Variants in PTS observed in about 807,000 individuals in gnomAD.
The protein encoded by PTS is 6-pyruvoyltetrahydropterin synthase, also known as 6-pyruvoyl tetrahydrobiopterin synthase.
In PTS, 23 loss-of-function variants were observed where a neutral mutation model predicts 20.6. The ratio of observed to expected loss-of-function variants is 1.12; its 90% CI spans 0.80 to 1.58. PTS has a LOEUF of 1.58. Ranked by LOEUF, PTS falls within the 40% of genes most tolerant of loss-of-function variation. The probability of loss-of-function intolerance (pLI) is 0.00; values close to 1 mark genes in which losing one functional copy is unlikely to be tolerated. For synonymous variants in PTS, 65 were observed against 62.5 expected, an observed-to-expected ratio of 1.04 and a Z score of -0.19; for missense variants, 186 against 182.4, an observed-to-expected ratio of 1.02 and a Z score of -0.11.
chr11:112,233,133 A>G, intron 4 of PTS, 30 bp from the exon 5 acceptor site: 1 of 1,590,692 alleles, frequency 6.3e-7, no homozygotes. Flanking sequence ...AAATGGAGTC[A>G]ATGATATTTT....
In PTS at chr11:112,228,587, TGGTCA is replaced by T; in HGVS notation, c.84-5_84-1del. On this transcript the variant is annotated splice_acceptor_variant and splice_polypyrimidine_tract_variant and intron_variant, in intron 1 of 5. Transcript: ENST00000280362. LOFTEE classifies it high-confidence loss of function. ...TCATGCTGACTTTTTTTTTTTTTTT[TGGTCA>T]GTAAATTTCTAAGTGATGAAGAAAA... 1 of 1,588,444 alleles carries T rather than the reference TGGTCA, an allele frequency of 6.3e-7. No individual in the cohort carries two copies. The highest frequency in any genetic ancestry group is 8.5e-7 in the Non-Finnish European group (1 of 1,171,954).
chr11:112,233,353 T>C, intron 5 of PTS, 79 bp from the exon 6 acceptor site: 3 of 1,536,276 alleles, frequency 2.0e-6, no homozygotes, highest in Non-Finnish European at 2.7e-6. Context: ...CTAGAATTTC[T>C]ATTTTCTGTA....
At chr11:112,233,041 G>A in intron 4 of PTS, 122 bp from the exon 5 acceptor site, 1 of 972,674 alleles carries the variant, frequency 1.0e-6, no homozygotes, top group South Asian at 1.3e-5. Flanking sequence ...CTCAAATCTA[G>A]TACTTACAAA....
chr11:112,233,267 G>A lies in PTS; in HGVS notation c.314+34G>A, dbSNP rs1418363505. 10 of 1,592,356 alleles carry A rather than the reference G, an allele frequency of 6.3e-6. No homozygotes were observed. In the African/African-American group the frequency reaches 6.7e-5, roughly 11 times the overall value. On this transcript the variant is annotated intron_variant, in intron 5 of 5. Transcript: ENST00000280362. ...CACTGTATCTTGCCTTATGTGGATT[G>A]TAAAACAAGAATTGATTTGAATACT... is the stretch of plus-strand genomic sequence containing the variant.
intron 4 of PTS, among the ~76,000 whole-genome samples, chr11:112,232,636 C>A (rs1859954304): frequency 6.6e-6 from 1 of 152,066 alleles, no homozygotes; most frequent in South Asian, 2.1e-4. Context: ...GAGTAATAGT[C>A]TTTACATATA....
intron 1 of PTS, 23 bp from the exon 2 acceptor site, chr11:112,228,570 AC>A: frequency 7.7e-7 from 1 of 1,305,392 alleles, no homozygotes; most frequent in Non-Finnish European, 1.1e-6. Flanking sequence ...TGTCATGCTG[AC>A]TTTTTTTTTT....
intron 2 of PTS, chr11:112,229,957 G>C: frequency 1.8e-6 from 1 of 563,970 alleles, no homozygotes; most frequent in Non-Finnish European, 3.2e-6. Context: ...TTTCAGCCTT[G>C]GCCGAGTGCC....
chr11:112,227,000 T>C (rs1402570439), intron 1 of PTS, among the ~76,000 whole-genome samples: 1 of 150,786 alleles, frequency 6.6e-6, no homozygotes, highest in Non-Finnish European at 1.5e-5. Context: ...AAGGCAAATT[T>C]TAGCCCCTTT....
intron 4 of PTS, among the ~76,000 whole-genome samples, chr11:112,231,425 G>A (rs1407278912): frequency 6.6e-6 from 1 of 152,198 alleles, no homozygotes; most frequent in Non-Finnish European, 1.5e-5. Flanking sequence ...ATTGAGAGAT[G>A]CTGAACAGTT....
In PTS at chr11:112,233,175, CA is replaced by C; in HGVS notation, c.257del (p.Gln86ArgfsTer19). ...LKKYMEEAIM[Q>X]PLDHKNLDMD... ...GTTTTGTCTCTAGGAGGCGATTATG[CA>C]GCCCCTTGATCATAAGAATCTGGAT... On this transcript the variant is annotated frameshift_variant, in exon 5 of 6. Coordinates refer to ENST00000280362, the MANE Select transcript of PTS (RefSeq NM_000317.3). LOFTEE classifies it high-confidence loss of function. The C allele has an allele frequency of 6.2e-7, 1 of 1,613,846 alleles. No individual in the cohort carries two copies. The highest frequency in any genetic ancestry group is 8.5e-7 in the Non-Finnish European group (1 of 1,179,774).
chr11:112,228,938 A>C (rs1592879488), intron 2 of PTS: 1 of 467,244 alleles, frequency 2.1e-6, no homozygotes, highest in African/African-American at 2.0e-5. Flanking sequence ...AGTACACAAC[A>C]AGTTTCTTTC....
At chr11:112,230,349 A>T (rs1051083448) in intron 3 of PTS, 119 bp downstream of exon 3, 60 of 1,268,452 alleles carry the variant, frequency 4.7e-5, no homozygotes, top group Admixed American at 6.7e-5. Context: ...TGGCCCTTGT[A>T]TATGTGTGTG....
chr11:112,230,177 G>GT (rs781720252), intron 2 of PTS, 31 bp from the exon 3 acceptor site: 86 of 1,602,716 alleles, frequency 5.4e-5, no homozygotes, highest in African/African-American at 5.0e-4. Flanking sequence ...AAGTCATGCT[G>GT]TTTTTTTTGT....
intron 5 of PTS, 31 bp from the exon 6 acceptor site, chr11:112,233,401 T>A (rs1859968717): frequency 6.4e-7 from 1 of 1,571,124 alleles, no homozygotes; most frequent in Non-Finnish European, 8.7e-7. Context: ...GCATTTTGAA[T>A]TTTTTTTGTT....
chr11:112,231,307 C>T (rs1859927670), intron 4 of PTS, among the ~76,000 whole-genome samples: 3 of 152,178 alleles, frequency 2.0e-5, no homozygotes, highest in Admixed American at 2.0e-4. Context: ...AGAGATAACA[C>T]ACAAGGTGTT....
chr11:112,231,926 A>C, intron 4 of PTS, among the ~76,000 whole-genome samples: 2 of 114,170 alleles, frequency 1.8e-5, no homozygotes, highest in African/African-American at 3.4e-5. Flanking sequence ...AGGACAGGGG[A>C]GGAGAGGGGA....
Position 112,233,649 on chromosome 11 carries a change from G to GT in PTS, c.*96dup. On this transcript the variant is annotated 3_prime_UTR_variant, in exon 6 of 6. Coordinates refer to ENST00000280362, the MANE Select transcript of PTS (RefSeq NM_000317.3). ...AATATTAAGAGGTCAACACGTGATT[G>GT]TTGTACGTACACATTGTGCTCTGGA... The GT allele has an allele frequency of 1.3e-6, 2 of 1,578,656 alleles. No homozygotes were observed. Among genetic ancestry groups the GT allele is most frequent in the Non-Finnish European group, 1.7e-6 (2 of 1,159,752 alleles).
intron 1 of PTS, 63 bp from the exon 2 acceptor site, chr11:112,228,531 C>A: frequency 7.4e-7 from 1 of 1,346,868 alleles, no homozygotes; most frequent in Non-Finnish European, 1.0e-6. Flanking sequence ...ATATAAGGAA[C>A]AGAGAAGGGG....
intron 1 of PTS, chr11:112,228,336 G>A: frequency 1.9e-6 from 1 of 516,654 alleles, no homozygotes; most frequent in Non-Finnish European, 3.5e-6. Context: ...CAGTTGCTGT[G>A]GAACAAGGGG....
Sources: allele counts gnomAD v4.1 joint callset (sites outside exome capture counted in the v4.1 genomes callset), GRCh38; gene constraint gnomAD v4.1.1; transcripts MANE v1.5; gene names NCBI Gene and HGNC (gene_info 2026-07-23, HGNC 2026-07-21).